Variants in GLI3 observed in about 807,000 individuals in gnomAD.
GLI3 encodes GLI family zinc finger 3.
A neutral mutation model predicts 100.8 loss-of-function variants in GLI3; 20 were observed. That is an observed-to-expected ratio of 0.20 (90% CI 0.14 to 0.29). GLI3 has a LOEUF of 0.29. GLI3 is among the 10% of genes least tolerant of loss of function. GLI3 has a pLI of 1.00. For synonymous variants in GLI3, 938 were observed against 860.5 expected, an observed-to-expected ratio of 1.09 and a Z score of -1.58; for missense variants, 2,040 against 2,128.5, an observed-to-expected ratio of 0.96 and a Z score of 0.82.
At position 41,967,717 on chromosome 7, in the gene GLI3, T is replaced by G; in HGVS notation, c.2310A>C (p.Ala770=). 6.2e-7 allele frequency: 1 copy of G among 1,614,232 alleles called. No homozygotes were observed. Among genetic ancestry groups the G allele is most frequent in the Non-Finnish European group, 8.5e-7 (1 of 1,180,040 alleles). The part of the protein sequence containing the change: ...ALALQARRNP[A]GTKWMEHVKL... Reference sequence around the variant, plus strand: ...TTACGTGCTCCATCCATTTGGTCCCTGCCGGGTTTCTCCTGGCTTGCAAAG... The same window carrying G: ...TTACGTGCTCCATCCATTTGGTCCCGGCCGGGTTTCTCCTGGCTTGCAAAG... The change falls in exon 14 of 15, where the codon GCA becomes GCC. Residue 770 remains alanine (A), a synonymous_variant. Transcript: ENST00000395925.
intron 3 of GLI3, among the ~76,000 whole-genome samples, chr7:42,108,940 CCT>C (rs1491066275): frequency 1.3e-5 from 2 of 152,096 alleles, no homozygotes; most frequent in African/African-American, 2.4e-5. Flanking sequence ...CCCTCCCACC[CCT>C]GTCTCTGAGA....
chr7:42,243,464 G>T (rs1372143273), intron 1 of GLI3, among the ~76,000 whole-genome samples: 4 of 152,176 alleles, frequency 2.6e-5, no homozygotes, highest in Admixed American at 2.6e-4. Context: ...TTGATCAGAT[G>T]CATATAAAAG....
rs763601702 is a variant in GLI3, at chr7:41,965,280, G to A, written c.3793C>T (p.Pro1265Ser). The change falls in exon 15 of 15, where the codon CCT becomes TCT. Residue 1265 changes from proline to serine, a missense_variant. Physicochemically the swap from Pro to Ser is moderately conservative, Grantham distance 74 (BLOSUM62 -1). Transcript: ENST00000395925. Reference protein sequence around the residue: ...GNCLNRQPVAPGALDGACGAG... With the variant: ...GNCLNRQPVASGALDGACGAG... The stretch of plus-strand genomic sequence containing the variant: ...CCACAGGCACCGTCGAGTGCACCAG[G>A]GGCCACTGGCTGCCTGTTGAGACAG... The A allele has an allele frequency of 1.9e-6, 3 of 1,613,588 alleles. No homozygotes were observed. Among genetic ancestry groups the A allele is most frequent in the East Asian group, 2.2e-5 (1 of 44,872 alleles).
At chr7:42,240,201 T>C (rs1428851058), upstream of GLI3, among the ~76,000 whole-genome samples, 2 of 152,242 alleles carry the variant, frequency 1.3e-5, no homozygotes. Context: ...ATAGATTGAC[T>C]TATTGCCATC....
chr7:41,966,454 G>A lies in GLI3; in HGVS notation c.2619C>T (p.Ser873=). 4 of 1,612,572 alleles carry A rather than the reference G, an allele frequency of 2.5e-6. No homozygotes were observed. The South Asian group carries it at 4.4e-5, about 18-fold the overall frequency. ...RSSGISPCFS[S]RRSSEASQAE... is the part of the protein sequence containing the mutation. Reference sequence around the variant, plus strand: ...CCTGTGACGCCTCGCTGGAGCGGCGGCTGGAGAAGCAGGGCGAGATCCCTG... The same window carrying A: ...CCTGTGACGCCTCGCTGGAGCGGCGACTGGAGAAGCAGGGCGAGATCCCTG... The change falls in exon 15 of 15, where the codon AGC becomes AGT. Residue 873 remains serine, a synonymous_variant. Coordinates refer to ENST00000395925, the MANE Select transcript of GLI3 (RefSeq NM_000168.6). This position sits in a 1 kb window ranked among gnomAD's most constrained non-coding sequence, Gnocchi z 5.8.
intron 11 of GLI3, 23 bp downstream of exon 11, chr7:41,978,576 C>T: frequency 6.2e-7 from 1 of 1,612,044 alleles, no homozygotes. Context: ...CCAAGTGTGC[C>T]TGCCACCCAC....
intron 2 of GLI3, among the ~76,000 whole-genome samples, chr7:42,154,748 C>T (rs994255109): frequency 1.1e-4 from 17 of 152,206 alleles, no homozygotes; most frequent in African/African-American, 2.9e-4. Flanking sequence ...AGAATATTTC[C>T]TCTTTCCATC....
intron 2 of GLI3, among the ~76,000 whole-genome samples, chr7:42,177,403 A>C (rs1016137228): frequency 6.6e-6 from 1 of 152,192 alleles, no homozygotes; most frequent in African/African-American, 2.4e-5. Flanking sequence ...TGAAACTGAA[A>C]AGGTCATATA....
intron 2 of GLI3, chr7:42,172,555 A>C (rs1198636939): frequency 1.4e-6 from 1 of 702,998 alleles, no homozygotes; most frequent in Non-Finnish European, 2.6e-6. Flanking sequence ...CATTCTTTGG[A>C]GCTTCCCCCT....
rs188734358 is a variant in GLI3, at chr7:42,002,328, C to T, written c.1497+21140G>A. Among the ~76,000 whole-genome samples, 547 of 152,128 alleles carry T rather than the reference C, an allele frequency of 3.6e-3. 3 individuals carry two copies. Among genetic ancestry groups the T allele is most frequent in the Admixed American group, 6.6e-3 (101 of 15,278 alleles). On this transcript the variant is annotated intron_variant, in intron 10 of 14. Coordinates refer to ENST00000395925, the MANE Select transcript of GLI3 (RefSeq NM_000168.6). ...GACTTATGACAAAAAGTTTAAATAG[C>T]GACAACAGCTGTAGTTGTTCTCTAA...
At chr7:42,105,175 G>A (rs553700686) in intron 3 of GLI3, among the ~76,000 whole-genome samples, 2 of 152,278 alleles carry the variant, frequency 1.3e-5, no homozygotes, top group East Asian at 1.9e-4. Context: ...CTCCTGGTCT[G>A]ACATGTGCCT....
intron 2 of GLI3, among the ~76,000 whole-genome samples, chr7:42,213,723 A>G (rs189574347): frequency 6.6e-6 from 1 of 152,370 alleles, no homozygotes; most frequent in East Asian, 1.9e-4. Flanking sequence ...CCGTAAGTGG[A>G]AATGTCGCCT....
chr7:42,257,737 T>C (rs1434022167), intron 1 of GLI3, among the ~76,000 whole-genome samples: 2 of 151,620 alleles, frequency 1.3e-5, no homozygotes, highest in African/African-American at 4.9e-5. Context: ...AGTTTGCTGA[T>C]TGTTTTTTAA....
At chr7:42,140,578 C>T (rs1786543716) in intron 3 of GLI3, among the ~76,000 whole-genome samples, 1 of 152,092 alleles carries the variant, frequency 6.6e-6, no homozygotes, top group African/African-American at 2.4e-5. Context: ...TCAAAGCGTA[C>T]AACAAGAATC....
intron 4 of GLI3, among the ~76,000 whole-genome samples, chr7:42,056,886 G>A (rs571610189): frequency 2.0e-5 from 3 of 151,824 alleles, no homozygotes; most frequent in South Asian, 4.2e-4. Flanking sequence ...CAAGGCTGAG[G>A]CTGCAGAATC....
intron 2 of GLI3, among the ~76,000 whole-genome samples, chr7:42,216,475 T>C (rs531426342): frequency 6.4e-4 from 97 of 152,260 alleles, no homozygotes; most frequent in Non-Finnish European, 9.7e-4. Context: ...TGAGCCCCCA[T>C]GTGAATGATG....
intron 3 of GLI3, among the ~76,000 whole-genome samples, chr7:42,078,099 A>C (rs897004487): frequency 9.2e-5 from 14 of 152,294 alleles, no homozygotes; most frequent in Admixed American, 9.2e-4. Flanking sequence ...ACAGGTTCTG[A>C]TCGACCACCT....
intron 10 of GLI3, among the ~76,000 whole-genome samples, chr7:41,988,444 T>C (rs566329030): frequency 0.013 from 1,398 of 104,302 alleles, 14 homozygotes; most frequent in Admixed American, 0.022. Context: ...GCCTGGGCAA[T>C]AAGAATGAAA....
chr7:42,221,086 C>T (rs929027590), intron 2 of GLI3, among the ~76,000 whole-genome samples: 1 of 152,186 alleles, frequency 6.6e-6, no homozygotes, highest in African/African-American at 2.4e-5. Flanking sequence ...AACACTGCAG[C>T]ACAAACATTT....
Sources: allele counts gnomAD v4.1 joint callset (sites outside exome capture counted in the v4.1 genomes callset), GRCh38; gene constraint gnomAD v4.1.1; non-coding constraint Gnocchi (gnomAD v3.1); transcripts MANE v1.5; gene names NCBI Gene and HGNC (gene_info 2026-07-23, HGNC 2026-07-21).